RORA: variants seen among roughly 807,000 people sequenced by gnomAD.
RORA encodes the protein nuclear receptor ROR-alpha.
A neutral mutation model predicts 69.5 loss-of-function variants in RORA; 7 were observed. That is an observed-to-expected ratio of 0.10 (90% CI 0.06 to 0.19). The LOEUF (loss-of-function observed/expected upper bound fraction) is 0.19. Among genes scored for constraint, RORA ranks in the 10% least tolerant of loss-of-function variants. The probability of loss-of-function intolerance (pLI) is 1.00; values close to 1 mark genes in which losing one functional copy is unlikely to be tolerated. For synonymous variants in RORA, 261 were observed against 240.8 expected (o/e 1.08, Z -0.78); for missense variants, 457 against 663.0 (o/e 0.69, Z 3.41).
chr15:61,182,739 C>T (rs948266283), intron 1 of RORA, among the ~76,000 whole-genome samples: 1 of 152,180 alleles, frequency 6.6e-6, no homozygotes, highest in Non-Finnish European at 1.5e-5. Flanking sequence ...GGAATCAGAT[C>T]GAGGTTCACA....
chr15:60,947,363 C>A (rs1238828741), intron 1 of RORA, among the ~76,000 whole-genome samples: 2 of 152,130 alleles, frequency 1.3e-5, no homozygotes, highest in Non-Finnish European at 2.9e-5. Context: ...ATTCTTCTGC[C>A]TTGGGATGCT....
At chr15:60,872,165 G>C (rs532506872) in intron 1 of RORA, among the ~76,000 whole-genome samples, 24 of 152,236 alleles carry the variant, frequency 1.6e-4, no homozygotes, top group African/African-American at 5.8e-4. Flanking sequence ...TGAGGCCCAG[G>C]TCTGTACATA....
chr15:60,731,094 C>T (rs2071424246), intron 1 of RORA, among the ~76,000 whole-genome samples: 1 of 152,122 alleles, frequency 6.6e-6, no homozygotes. Context: ...TATATTGAGG[C>T]TAACCCAGTA....
chr15:61,206,234 G>A (rs576987719), intron 1 of RORA, among the ~76,000 whole-genome samples: 26 of 152,226 alleles, frequency 1.7e-4, no homozygotes, highest in African/African-American at 5.8e-4. Flanking sequence ...TATAAGAACT[G>A]ATTATTGCAG....
intron 1 of RORA, among the ~76,000 whole-genome samples, chr15:61,138,159 G>C (rs2079262636): frequency 6.6e-6 from 1 of 152,112 alleles, no homozygotes; most frequent in Non-Finnish European, 1.5e-5. Context: ...TGAGAACAAA[G>C]GTGGTAGTTC....
chr15:60,826,403 G>A (rs563061942), intron 1 of RORA, among the ~76,000 whole-genome samples: 6 of 152,254 alleles, frequency 3.9e-5, no homozygotes, highest in African/African-American at 1.4e-4. Flanking sequence ...CTGTTCTCAA[G>A]GGGCAATTTC....
chr15:60,993,644 CAAAA>C (rs3053932), intron 1 of RORA, among the ~76,000 whole-genome samples: 3 of 83,074 alleles, frequency 3.6e-5, no homozygotes, highest in Non-Finnish European at 2.2e-5. Context: ...CTCTCCATCT[CAAAA>C]AAAAAAAAAA....
intron 1 of RORA, chr15:60,841,102 T>C: frequency 1.0e-6 from 1 of 985,114 alleles, no homozygotes; most frequent in Non-Finnish European, 1.2e-6. Flanking sequence ...GAGCATTTTT[T>C]CAGCAGAGAG....
chr15:61,132,573 A>G (rs2079200631), intron 1 of RORA, among the ~76,000 whole-genome samples: 2 of 152,248 alleles, frequency 1.3e-5, no homozygotes, highest in South Asian at 4.1e-4. Context: ...TGTAGATTTC[A>G]ATATGCTATA....
intron 2 of RORA, among the ~76,000 whole-genome samples, chr15:60,660,303 C>T (rs1349537272): frequency 6.6e-6 from 1 of 152,180 alleles, no homozygotes; most frequent in African/African-American, 2.4e-5. Context: ...AGGCTCAGAA[C>T]TGGAAAAATC....
intron 2 of RORA, among the ~76,000 whole-genome samples, chr15:60,584,214 CA>C (rs2068267589): frequency 6.6e-6 from 1 of 152,214 alleles, no homozygotes; most frequent in Non-Finnish European, 1.5e-5. Context: ...CTGACAGAAT[CA>C]AACTCTGTGT....
At position 60,881,639 on chromosome 15, in the gene RORA, A is replaced by G. The variant is rs28586890; in HGVS notation, c.167-202953T>C. ...AAGAGAGAGAGAGAGAGAGACAGAG[A>G]GAAAAGAGAGTGGGAGTAAAAGGGA... On this transcript the variant is annotated intron_variant, in intron 1 of 10. Transcript: ENST00000335670. Among the ~76,000 whole-genome samples, 941 of 152,308 alleles carry G rather than the reference A, an allele frequency of 6.2e-3. 10 individuals carry two copies. Among genetic ancestry groups the G allele is most frequent in the African/African-American group, 0.021 (858 of 41,556 alleles).
chr15:61,005,435 G>A (rs754851572), intron 1 of RORA, among the ~76,000 whole-genome samples: 5 of 152,222 alleles, frequency 3.3e-5, no homozygotes, highest in South Asian at 2.1e-4. Context: ...AGCTGAGACC[G>A]TGCCACTGTA....
Position 61,061,802 on chromosome 15 carries a change from C to A in RORA, c.166+167251G>T, listed in dbSNP as rs2078190426. On this transcript the variant is annotated intron_variant, in intron 1 of 10. Transcript: ENST00000335670. This position sits in a 1 kb window ranked among gnomAD's most constrained non-coding sequence, Gnocchi z 4.4. The stretch of plus-strand genomic sequence containing the variant: ...GTAAGGCCGGGCACGGTGGTTCACG[C>A]CTGTAACCCCAGCACTTTGGGAGGC... 6.6e-6 allele frequency among the ~76,000 whole-genome samples: 1 copy of A among 152,124 alleles called. No homozygotes were observed. The highest frequency in any genetic ancestry group is 2.1e-4 in the South Asian group (1 of 4,824).
intron 1 of RORA, among the ~76,000 whole-genome samples, chr15:60,806,355 G>A (rs1376510362): frequency 8.5e-5 from 13 of 152,180 alleles, no homozygotes; most frequent in Non-Finnish European, 1.6e-4. Context: ...GGTGTCTATA[G>A]CTCCACCCAT....
intron 2 of RORA, among the ~76,000 whole-genome samples, chr15:60,610,327 G>A (rs1371808654): frequency 6.6e-6 from 1 of 152,136 alleles, no homozygotes; most frequent in Non-Finnish European, 1.5e-5. Context: ...CTTCCACTCT[G>A]AGGACCAGGA....
chr15:60,845,936 G>A (rs1235252734), intron 1 of RORA, among the ~76,000 whole-genome samples: 2 of 152,050 alleles, frequency 1.3e-5, no homozygotes, highest in African/African-American at 4.8e-5. Flanking sequence ...TAGTAGAGAC[G>A]GGGTTTCACC....
intron 2 of RORA, among the ~76,000 whole-genome samples, chr15:60,606,067 T>C (rs552880624): frequency 1.3e-5 from 2 of 152,372 alleles, no homozygotes; most frequent in East Asian, 1.9e-4. Flanking sequence ...ATCGTTCTAA[T>C]TGAATCAAGG....
intron 1 of RORA, among the ~76,000 whole-genome samples, chr15:60,985,111 G>A (rs769942179): frequency 8.5e-5 from 13 of 152,118 alleles, no homozygotes; most frequent in Non-Finnish European, 1.2e-4. Context: ...GAACATTCCA[G>A]GATCAAGTTT....
Sources: gnomAD v4.1 joint callset for allele counts (sites outside exome capture counted in the v4.1 genomes callset) on GRCh38, gnomAD v4.1.1 for gene constraint, Gnocchi (gnomAD v3.1) non-coding constraint, MANE v1.5 for transcripts, NCBI Gene and HGNC (gene_info 2026-07-23, HGNC 2026-07-21) for gene names.